The following BRSK2 variants were observed in gnomAD, a reference collection of about 807,000 sequenced individuals.
BRSK2 encodes serine/threonine-protein kinase BRSK2.
A neutral mutation model predicts 83.3 loss-of-function variants in BRSK2; 19 were observed. The ratio of observed to expected loss-of-function variants is 0.23; its 90% confidence interval spans 0.16 to 0.33. The LOEUF is 0.33. Among genes scored for constraint, BRSK2 ranks in the 10% least tolerant of loss-of-function variants. The probability of loss-of-function intolerance (pLI) is 1.00; values close to 1 mark genes in which losing one functional copy is unlikely to be tolerated. For synonymous variants in BRSK2, 519 were observed against 435.4 expected, an observed-to-expected ratio of 1.19 and a Z score of -2.39; for missense variants, 798 against 1,042.3, an observed-to-expected ratio of 0.77 and a Z score of 3.23.
intron 1 of BRSK2, among the ~76,000 whole-genome samples, chr11:1,421,575 A>T (rs1482215433): frequency 6.6e-6 from 1 of 152,198 alleles, no homozygotes; most frequent in Non-Finnish European, 1.5e-5. Flanking sequence ...GTCTCCCAAG[A>T]GATGCGCCGC....
At chr11:1,408,672 C>A (rs1302686639) in intron 1 of BRSK2, among the ~76,000 whole-genome samples, 1 of 152,174 alleles carries the variant, frequency 6.6e-6, no homozygotes, top group African/African-American at 2.4e-5. Context: ...CCCCGCTGGT[C>A]CTTACTAGAT....
intron 1 of BRSK2, among the ~76,000 whole-genome samples, chr11:1,403,949 G>A (rs1388362193): frequency 6.6e-6 from 1 of 152,222 alleles, no homozygotes; most frequent in Non-Finnish European, 1.5e-5. Flanking sequence ...TGGGATGGGA[G>A]GCGGGCGGTG....
intron 1 of BRSK2, among the ~76,000 whole-genome samples, chr11:1,391,357 G>A (rs1423753802): frequency 6.6e-6 from 1 of 152,224 alleles, no homozygotes; most frequent in Non-Finnish European, 1.5e-5. Flanking sequence ...GGCAGGGGTG[G>A]AGGGAAGGAG....
chr11:1,435,104 C>T (rs1850105740), intron 1 of BRSK2, among the ~76,000 whole-genome samples: 2 of 151,196 alleles, frequency 1.3e-5, no homozygotes, highest in South Asian at 4.2e-4. Context: ...GGCTGCCGGG[C>T]CGTGGAGGTC....
chr11:1,437,906 C>A (rs898658406), intron 2 of BRSK2, among the ~76,000 whole-genome samples: 1 of 152,170 alleles, frequency 6.6e-6, no homozygotes, highest in African/African-American at 2.4e-5. Context: ...GCTCCAGGGG[C>A]CCCCAGTCCT....
chr11:1,451,878 C>G (rs1326987487), intron 15 of BRSK2, among the ~76,000 whole-genome samples: 1 of 152,138 alleles, frequency 6.6e-6, no homozygotes, highest in African/African-American at 2.4e-5. Flanking sequence ...GTGAGAGGTG[C>G]CACTGCAGAG....
chr11:1,461,351 CT>C lies in BRSK2; in HGVS notation c.*629del. The C allele has an allele frequency of 2.8e-6, 1 of 362,702 alleles. No individual in the cohort carries two copies. The highest frequency in any genetic ancestry group is 5.0e-6 in the Non-Finnish European group (1 of 199,440). The allele number at this position is 362,702 out of a possible 1,614,324, so 22.5% of individuals were successfully genotyped here. On this transcript the variant is annotated 3_prime_UTR_variant, in exon 20 of 20. Transcript: ENST00000528841. ...GCAGGCCCGTGCCCCGCCTCCCTGGCTGCGCCGCCTCCGTGTAGTCTTGGCC... is the reference window on the plus strand; with the variant it reads ...GCAGGCCCGTGCCCCGCCTCCCTGGCGCGCCGCCTCCGTGTAGTCTTGGCC...
chr11:1,392,103 G>T (rs1422662332), intron 1 of BRSK2, among the ~76,000 whole-genome samples: 1 of 152,228 alleles, frequency 6.6e-6, no homozygotes, highest in Non-Finnish European at 1.5e-5. Flanking sequence ...CCCTGGAGAA[G>T]GCCACCATTT....
chr11:1,410,872 G>A, intron 1 of BRSK2: 1 of 985,690 alleles, frequency 1.0e-6, no homozygotes, highest in South Asian at 4.7e-5. Flanking sequence ...CAGCCACTTG[G>A]TAGGAGGGCC....
At position 1,423,467 on chromosome 11, in the gene BRSK2, A is replaced by G. The variant is rs1205970924; in HGVS notation, c.92-12573A>G. ...GTGCTGTGGCCACAGTGGTTCTGGA[A>G]TTTGAGGTGCCTTAGGAGGTTCATG... On this transcript the variant is annotated intron_variant, in intron 1 of 19. Coordinates refer to ENST00000528841, the MANE Select transcript of BRSK2 (RefSeq NM_001256627.2). The surrounding 1 kb of genome is among the most constrained non-coding windows in gnomAD (Gnocchi z 6.5). Among the ~76,000 whole-genome samples, 1 of 152,062 alleles carries G rather than the reference A, an allele frequency of 6.6e-6. No individual in the cohort carries two copies. Among genetic ancestry groups the G allele is most frequent in the African/African-American group, 2.4e-5 (1 of 41,398 alleles).
chr11:1,459,559 G>C (rs891609807), intron 19 of BRSK2: 5 of 397,626 alleles, frequency 1.3e-5, no homozygotes, highest in African/African-American at 1.0e-4. Context: ...CTGTGGCCTA[G>C]GGGAGGGGCC....
chr11:1,456,248 T>C, intron 16 of BRSK2, 100 bp from the exon 17 acceptor site: 2 of 1,252,566 alleles, frequency 1.6e-6, no homozygotes, highest in Non-Finnish European at 1.1e-6. Flanking sequence ...GTGCTCACAA[T>C]GTGTGCACGG....
At chr11:1,410,979 G>GA in intron 1 of BRSK2, 2 of 983,330 alleles carry the variant, frequency 2.0e-6, no homozygotes, top group Non-Finnish European at 2.4e-6. Context: ...GGGCCCCGCT[G>GA]AGGGGGGCAG....
chr11:1,393,001 C>T (rs1845824618), intron 1 of BRSK2, among the ~76,000 whole-genome samples: 1 of 152,128 alleles, frequency 6.6e-6, no homozygotes, highest in East Asian at 1.9e-4. Context: ...TGGTTTCTGG[C>T]CAAGACTTAG....
At chr11:1,445,077 G>T in intron 9 of BRSK2, 75 bp downstream of exon 9, 1 of 1,570,456 alleles carries the variant, frequency 6.4e-7, no homozygotes, top group Non-Finnish European at 8.8e-7. Flanking sequence ...AGGAAAGGCG[G>T]GGGGAGGGCG....
intron 1 of BRSK2, chr11:1,411,143 G>C (rs895052047): frequency 1.9e-5 from 23 of 1,219,522 alleles, no homozygotes; most frequent in Non-Finnish European, 2.0e-5. Flanking sequence ...GGCCTAGGGT[G>C]GGGGCTCCAG....
chr11:1,443,449 C>A, intron 7 of BRSK2, 40 bp from the exon 8 acceptor site: 1 of 1,576,716 alleles, frequency 6.3e-7, no homozygotes, highest in South Asian at 1.2e-5. Flanking sequence ...CTCCCCAAAC[C>A]TGCCCCCCCA....
chr11:1,449,859 C>G lies in BRSK2; in HGVS notation c.1287+23C>G, dbSNP rs764889152. 13 of 1,585,280 alleles carry G rather than the reference C, an allele frequency of 8.2e-6. No individual in the cohort carries two copies. The African/African-American group carries it at 1.5e-4, about 18-fold the overall frequency. ...CGGGTGAGTGACCCCCCGCCCCCAC[C>G]CAGCTCGGATGCACAGAGGCCCCAA... is the stretch of plus-strand genomic sequence containing the variant. On this transcript the variant is annotated intron_variant, in intron 13 of 19. Transcript: ENST00000528841.
intron 19 of BRSK2, 50 bp from the exon 20 acceptor site, chr11:1,460,450 T>C: frequency 8.4e-7 from 1 of 1,189,258 alleles, no homozygotes; most frequent in Non-Finnish European, 1.1e-6. Flanking sequence ...CCCCCTTTTT[T>C]TTCTTTTTTC....
Sources: allele counts gnomAD v4.1 joint callset (sites outside exome capture counted in the v4.1 genomes callset), GRCh38; gene constraint gnomAD v4.1.1; non-coding constraint Gnocchi (gnomAD v3.1); transcripts MANE v1.5; gene names NCBI Gene and HGNC (gene_info 2026-07-23, HGNC 2026-07-21).